The following BICD1 variants were observed in gnomAD, a reference collection of about 807,000 sequenced individuals.
BICD1 encodes the protein protein bicaudal D homolog 1.
A neutral mutation model predicts 92.5 loss-of-function variants in BICD1; 35 were observed. The observed-to-expected ratio is 0.38, with a 90% CI of 0.29 to 0.50. The LOEUF (loss-of-function observed/expected upper bound fraction) is 0.50. BICD1 is among the 20% of genes least tolerant of loss of function. The pLI, the probability that BICD1 is intolerant of heterozygous loss-of-function variation, is 0.93. For synonymous variants in BICD1, 429 were observed against 465.1 expected, an observed-to-expected ratio of 0.92 and a Z score of 1.00; for missense variants, 950 against 1,189.8, an observed-to-expected ratio of 0.80 and a Z score of 2.97.
chr12:32,231,520 C>G (rs1292674021), intron 2 of BICD1, among the ~76,000 whole-genome samples: 1 of 151,932 alleles, frequency 6.6e-6, no homozygotes, highest in Admixed American at 6.6e-5. Context: ...CATTTGGACA[C>G]AGCTTCAAAA....
In BICD1 at chr12:32,321,076, A is replaced by G. The variant is rs186176369; in HGVS notation, c.1006-6385A>G. ...TACAGTGGCTCACGCCTGTAATCCC[A>G]GCACTTTGGGAGGCCAAGGTGGGCA... On this transcript the variant is annotated intron_variant, in intron 4 of 9. Transcript: ENST00000652176. Among the ~76,000 whole-genome samples the G allele has an allele frequency of 1.4e-3, 219 of 152,308 alleles. 1 individual carries two copies. Among genetic ancestry groups the G allele is most frequent in the African/African-American group, 5.0e-3 (209 of 41,568 alleles).
chr12:32,243,912 T>C (rs1946302244), intron 2 of BICD1, among the ~76,000 whole-genome samples: 1 of 152,216 alleles, frequency 6.6e-6, no homozygotes, highest in South Asian at 2.1e-4. Flanking sequence ...ATTAAAAATC[T>C]TCCCCTAAAT....
chr12:32,211,276 C>G (rs1425303248), intron 1 of BICD1, among the ~76,000 whole-genome samples: 1 of 152,098 alleles, frequency 6.6e-6, no homozygotes, highest in East Asian at 1.9e-4. Flanking sequence ...CAAATCAGGT[C>G]CAGTGAAGGG....
chr12:32,257,459 A>T lies in BICD1; in HGVS notation c.427-36535A>T, dbSNP rs115840944. Among the ~76,000 whole-genome samples the T allele has an allele frequency of 4.5e-3, 685 of 152,310 alleles. 4 individuals carry two copies. The highest frequency in any genetic ancestry group is 0.016 in the African/African-American group (657 of 41,570). On this transcript the variant is annotated intron_variant, in intron 2 of 9. Transcript: ENST00000652176. ...GCCTCCATATCTCTTTGGAGACTTC[A>T]AAGACTTTAGAAAGGTATAGATAAT...
At chr12:32,116,434 C>T (rs1315968201) in intron 1 of BICD1, among the ~76,000 whole-genome samples, 1 of 151,138 alleles carries the variant, frequency 6.6e-6, no homozygotes, top group Non-Finnish European at 1.5e-5. Flanking sequence ...TACTATGTCT[C>T]TGTCTCTGTC....
intron 1 of BICD1, among the ~76,000 whole-genome samples, chr12:32,169,874 G>A (rs543357336): frequency 3.9e-5 from 6 of 152,328 alleles, no homozygotes; most frequent in Admixed American, 6.5e-5. Context: ...GGGATTACAG[G>A]CATGAGCCAC....
chr12:32,148,846 C>G (rs544568239), intron 1 of BICD1, among the ~76,000 whole-genome samples: 1 of 151,900 alleles, frequency 6.6e-6, no homozygotes, highest in African/African-American at 2.4e-5. Flanking sequence ...ATGGTGAAAC[C>G]CTGTCTCTAC....
At chr12:32,347,455 T>C (rs1457579953) in intron 8 of BICD1, among the ~76,000 whole-genome samples, 7 of 151,310 alleles carry the variant, frequency 4.6e-5, no homozygotes, top group Admixed American at 2.6e-4. Flanking sequence ...CTGGCCAACA[T>C]GGTGAAACCC....
At chr12:32,157,194 T>C (rs1943464724) in intron 1 of BICD1, among the ~76,000 whole-genome samples, 1 of 151,250 alleles carries the variant, frequency 6.6e-6, no homozygotes, top group Non-Finnish European at 1.5e-5. Flanking sequence ...AAATTACTCT[T>C]GTCTATTATA....
chr12:32,265,718 TAAA>T (rs35399036), intron 2 of BICD1, among the ~76,000 whole-genome samples: 1 of 140,826 alleles, frequency 7.1e-6, no homozygotes. Flanking sequence ...AGATCCTATT[TAAA>T]AAAAAAAAAA....
intron 4 of BICD1, among the ~76,000 whole-genome samples, chr12:32,309,703 G>C (rs1265338676): frequency 6.6e-6 from 1 of 152,184 alleles, no homozygotes; most frequent in African/African-American, 2.4e-5. Flanking sequence ...GCACTGTCCT[G>C]TTGGGCGGCT....
intron 4 of BICD1, among the ~76,000 whole-genome samples, chr12:32,321,757 T>G (rs1948664832): frequency 6.6e-6 from 1 of 151,974 alleles, no homozygotes; most frequent in Non-Finnish European, 1.5e-5. Flanking sequence ...CCAGCACTTT[T>G]GGAGGCCAAG....
chr12:32,225,271 T>A (rs1309217057), intron 2 of BICD1, among the ~76,000 whole-genome samples: 2 of 152,226 alleles, frequency 1.3e-5, no homozygotes, highest in East Asian at 3.8e-4. Context: ...TCATATAAGT[T>A]GTTACATGTG....
intron 2 of BICD1, among the ~76,000 whole-genome samples, chr12:32,280,167 C>G (rs965254958): frequency 6.6e-5 from 10 of 152,096 alleles, no homozygotes; most frequent in African/African-American, 2.4e-4. Flanking sequence ...TTTTACTACT[C>G]TTGTATAGAG....
intron 9 of BICD1, among the ~76,000 whole-genome samples, chr12:32,371,713 G>C (rs543223542): frequency 6.6e-6 from 1 of 152,066 alleles, no homozygotes; most frequent in Non-Finnish European, 1.5e-5. Context: ...TCAGCCACCC[G>C]AGTAGCTGGG....
intron 3 of BICD1, among the ~76,000 whole-genome samples, chr12:32,299,352 C>T (rs1947968708): frequency 6.6e-6 from 1 of 152,190 alleles, no homozygotes; most frequent in Admixed American, 6.5e-5. Context: ...TCACATGGTG[C>T]AGCCTTACAA....
intron 2 of BICD1, among the ~76,000 whole-genome samples, chr12:32,268,594 A>T (rs1436045475): frequency 6.6e-6 from 1 of 152,094 alleles, no homozygotes; most frequent in Non-Finnish European, 1.5e-5. Flanking sequence ...TCAGGAATTC[A>T]AGACCAGCTT....
intron 8 of BICD1, chr12:32,354,032 A>G (rs1293641781): frequency 1.3e-5 from 2 of 152,198 alleles, no homozygotes; most frequent in Non-Finnish European, 2.9e-5. Context: ...TTGATAACAC[A>G]CATGCTCATG....
intron 1 of BICD1, among the ~76,000 whole-genome samples, chr12:32,175,913 T>C (rs1944077030): frequency 2.6e-5 from 4 of 152,302 alleles, no homozygotes; most frequent in South Asian, 4.1e-4. Context: ...TCACAAGCAA[T>C]CGTTAATTTA....
Sources: gnomAD v4.1 joint callset for allele counts (sites outside exome capture counted in the v4.1 genomes callset) on GRCh38, gnomAD v4.1.1 for gene constraint, MANE v1.5 for transcripts, NCBI Gene and HGNC (gene_info 2026-07-23, HGNC 2026-07-21) for gene names.